The following DNAI4 variants were observed in gnomAD, a reference collection of about 807,000 sequenced individuals.
DNAI4 encodes the protein dynein axonemal intermediate chain 4.
Under a neutral mutation model 105.8 loss-of-function variants are expected in DNAI4, and 85 were observed. The observed-to-expected ratio is 0.80, with a 90% confidence interval of 0.67 to 0.96. The LOEUF (loss-of-function observed/expected upper bound fraction) is 0.96. Ranked by LOEUF, DNAI4 falls within the 40% of genes least tolerant of loss-of-function variation. The pLI, the probability that DNAI4 is intolerant of heterozygous loss-of-function variation, is 0.00. For synonymous variants in DNAI4, 352 were observed against 331.5 expected (o/e 1.06, Z -0.67); for missense variants, 1,014 against 1,005.6 (o/e 1.01, Z -0.11).
intron 2 of DNAI4, among the ~76,000 whole-genome samples, chr1:66,903,832 G>A (rs1256520158): frequency 6.6e-5 from 10 of 152,030 alleles, no homozygotes; most frequent in Non-Finnish European, 1.5e-4. Flanking sequence ...CAGTTGCCCT[G>A]GCTAGGACTG....
intron 10 of DNAI4, among the ~76,000 whole-genome samples, chr1:66,837,013 A>G (rs976927307): frequency 1.3e-5 from 2 of 152,214 alleles, no homozygotes; most frequent in African/African-American, 2.4e-5. Context: ...TCTGTTCAGA[A>G]TAACAGTCAG....
intron 8 of DNAI4, 104 bp downstream of exon 8, chr1:66,847,380 A>T: frequency 2.7e-6 from 3 of 1,101,228 alleles, no homozygotes; most frequent in Non-Finnish European, 3.9e-6. Context: ...TACAACCTTG[A>T]ACTCCTGGGC....
intron 4 of DNAI4, among the ~76,000 whole-genome samples, chr1:66,881,565 C>T (rs1478378615): frequency 6.6e-6 from 1 of 152,208 alleles, no homozygotes; most frequent in Admixed American, 6.5e-5. Context: ...CAATTTCTCC[C>T]ATTTGGATCA....
In DNAI4 at chr1:66,891,192, T is replaced by A; in HGVS notation, c.605A>T (p.Glu202Val). ...CAATCTTTCCCGTTTATAGGATGGT[T>A]CTTCCAGGTCTTCTGCTATTGATTC... ...ASESIAEDLE[E>V]PSYKRERLTS... is the part of the protein sequence containing the mutation. The change falls in exon 4 of 17, where the codon GAA becomes GTA. Residue 202 changes from glutamate (E) to valine (V), a missense_variant. Glu to Val is a moderately radical substitution (Grantham distance 121, BLOSUM62 -2). Transcript: ENST00000371026. 1.2e-6 allele frequency: 2 copies of A among 1,613,960 alleles called. No homozygotes were observed. The highest frequency in any genetic ancestry group is 1.7e-6 in the Non-Finnish European group (2 of 1,179,934).
rs755170964 is a variant in DNAI4 at position 66,827,065 on chromosome 1, T to A, written c.2113-19A>T. The A allele has an allele frequency of 2.6e-6, 4 of 1,521,050 alleles. No homozygotes were observed. Among genetic ancestry groups the A allele is most frequent in the Middle Eastern group, 1.7e-4 (1 of 5,770 alleles). The allele number at this position is 1,521,050 out of a possible 1,614,324, so 94.2% of individuals were successfully genotyped here. A position where few individuals can be genotyped will look rare whatever the true frequency, so the allele number is the denominator to read the frequency against. ...CTGGACCCTAGAAATAAAAAAAAAA[T>A]ACATAGGTAAATAATATTTAACATC... On this transcript the variant is annotated intron_variant, in intron 14 of 16. Coordinates refer to ENST00000371026, the MANE Select transcript of DNAI4 (RefSeq NM_024763.5).
Position 66,837,621 on chromosome 1 carries a change from C to G in DNAI4, c.1581+89G>C. On this transcript the variant is annotated intron_variant, in intron 10 of 16. Coordinates refer to ENST00000371026, the MANE Select transcript of DNAI4 (RefSeq NM_024763.5). ...GTCTTGATTGATAAAATTTTCTAGACTTTATTTAATTATTACATGTAATTA... is the reference window on the plus strand; with the variant it reads ...GTCTTGATTGATAAAATTTTCTAGAGTTTATTTAATTATTACATGTAATTA... 2.2e-6 allele frequency: 3 copies of G among 1,359,592 alleles called. No homozygotes were observed. The African/African-American group carries it at 4.5e-5, about 20-fold the overall frequency. 84.2% of individuals were successfully genotyped at this position (1,359,592 alleles called of 1,614,324 possible). A position where few individuals can be genotyped will look rare whatever the true frequency, so the allele number is the denominator to read the frequency against.
At chr1:66,866,418 T>C (rs1646735806) in intron 6 of DNAI4, among the ~76,000 whole-genome samples, 1 of 152,206 alleles carries the variant, frequency 6.6e-6, no homozygotes, top group African/African-American at 2.4e-5. Context: ...TTGTATAATG[T>C]TAGCAAGCAT....
chr1:66,905,624 C>A (rs1340207111), intron 1 of DNAI4, among the ~76,000 whole-genome samples: 1 of 152,078 alleles, frequency 6.6e-6, no homozygotes, highest in African/African-American at 2.4e-5. Flanking sequence ...GCCACAGAGG[C>A]TTTAAGGGGA....
chr1:66,918,561 CT>C (rs1650242222), intron 1 of DNAI4, among the ~76,000 whole-genome samples: 1 of 152,304 alleles, frequency 6.6e-6, no homozygotes, highest in Admixed American at 6.5e-5. Flanking sequence ...TACCTACTTA[CT>C]GATGTATGGA....
intron 2 of DNAI4, among the ~76,000 whole-genome samples, chr1:66,903,983 T>A (rs548462300): frequency 7.7e-4 from 117 of 151,178 alleles, no homozygotes; most frequent in Middle Eastern, 3.5e-3. Flanking sequence ...GAAAATAATT[T>A]TATATATATA....
At chr1:66,920,580 G>A (rs1231166728) in intron 1 of DNAI4, among the ~76,000 whole-genome samples, 1 of 152,070 alleles carries the variant, frequency 6.6e-6, no homozygotes, top group African/African-American at 2.4e-5. Flanking sequence ...TCTTGAAGGT[G>A]CCCAAAAGCA....
intron 13 of DNAI4, 110 bp from the exon 14 acceptor site, chr1:66,828,020 A>C (rs1430250662): frequency 3.1e-6 from 2 of 654,326 alleles, no homozygotes; most frequent in South Asian, 4.8e-5. Context: ...AACCCAAAAT[A>C]AAAACACTAT....
intron 5 of DNAI4, among the ~76,000 whole-genome samples, chr1:66,874,407 A>G (rs2100675809): frequency 6.6e-6 from 1 of 152,280 alleles, no homozygotes; most frequent in African/African-American, 2.4e-5. Context: ...TATTACTATA[A>G]AAATGTCATT....
chr1:66,844,104 A>AAAAAC (rs1646217716), intron 8 of DNAI4, among the ~76,000 whole-genome samples: 1 of 150,144 alleles, frequency 6.7e-6, no homozygotes, highest in African/African-American at 2.4e-5. Context: ...AAAAAAAAAA[A>AAAAAC]AAACTTTAAA....
intron 1 of DNAI4, among the ~76,000 whole-genome samples, chr1:66,918,457 T>G (rs1391016479): frequency 2.0e-5 from 3 of 152,342 alleles, no homozygotes; most frequent in Non-Finnish European, 4.4e-5. Context: ...AAAACTAAGC[T>G]GTGCTTTCTT....
rs1353283202 is a variant in DNAI4, at chr1:66,821,690, A to G, written c.2496+671T>C. On this transcript the variant is annotated intron_variant, in intron 16 of 16. Coordinates refer to ENST00000371026, the MANE Select transcript of DNAI4 (RefSeq NM_024763.5). ...GTTCCTGACCATTGCCCATTTTTTT[A>G]TTTAAGTCTTGGTGTTTTTTCATAT... Among the ~76,000 whole-genome samples, 3 of 151,880 alleles carry G rather than the reference A, an allele frequency of 2.0e-5. No individual in the cohort carries two copies. In the East Asian group the frequency reaches 5.8e-4, roughly 29 times the overall value.
chr1:66,835,825 T>C (rs552631444), intron 10 of DNAI4, 48 bp from the exon 11 acceptor site: 2 of 1,545,634 alleles, frequency 1.3e-6, no homozygotes, highest in East Asian at 2.2e-5. Flanking sequence ...TAGACCACAG[T>C]AAGGCAGAAT....
rs187110664 is a variant in DNAI4 at position 66,882,008 on chromosome 1, G to A, written c.644-7071C>T. Among the ~76,000 whole-genome samples the A allele has an allele frequency of 1.1e-3, 172 of 152,270 alleles. 2 individuals carry two copies. The highest frequency in any genetic ancestry group is 5.6e-3 in the South Asian group (27 of 4,824). ...TCCCTGAACAACCTCTCTTGTTTGC[G>A]TGCTGCCATCCATGTGAGATATGAC... On this transcript the variant is annotated intron_variant, in intron 4 of 16. Coordinates refer to ENST00000371026, the MANE Select transcript of DNAI4 (RefSeq NM_024763.5).
chr1:66,831,978 G>T (rs867746084), intron 13 of DNAI4, among the ~76,000 whole-genome samples: 1 of 152,104 alleles, frequency 6.6e-6, no homozygotes, highest in African/African-American at 2.4e-5. Flanking sequence ...TGGGAGGGTG[G>T]TGGCTGCCTG....
Sources: allele counts gnomAD v4.1 joint callset (sites outside exome capture counted in the v4.1 genomes callset), GRCh38; gene constraint gnomAD v4.1.1; transcripts MANE v1.5; gene names NCBI Gene and HGNC (gene_info 2026-07-23, HGNC 2026-07-21).